The following ARHGEF33 variants were observed in gnomAD, a reference collection of about 807,000 sequenced individuals.
ARHGEF33 encodes DH and coiled-coil domain-containing protein ENSP00000381780.
A neutral mutation model predicts 101.9 loss-of-function variants in ARHGEF33; 72 were observed. The ratio of observed to expected loss-of-function variants is 0.71; its 90% CI spans 0.58 to 0.86. The LOEUF (loss-of-function observed/expected upper bound fraction) is 0.86. Ranked by LOEUF, ARHGEF33 falls within the 40% of genes least tolerant of loss-of-function variation. ARHGEF33 has a pLI of 0.00. For synonymous variants in ARHGEF33, 499 were observed against 442.5 expected (o/e 1.13, Z -1.60); for missense variants, 1,169 against 1,111.3 (o/e 1.05, Z -0.74).
chr2:38,965,670 T>G (rs1030115694), intron 16 of ARHGEF33, among the ~76,000 whole-genome samples: 4 of 152,238 alleles, frequency 2.6e-5, no homozygotes, highest in African/African-American at 9.6e-5. Flanking sequence ...TAATAATTTA[T>G]TCACTCGTGG....
At chr2:38,900,732 G>A (rs1394652467) in intron 2 of ARHGEF33, among the ~76,000 whole-genome samples, 2 of 152,164 alleles carry the variant, frequency 1.3e-5, no homozygotes, top group Non-Finnish European at 2.9e-5. Flanking sequence ...GAGTTAGTGA[G>A]ATGGGGTTTC....
At chr2:38,937,179 A>G in intron 8 of ARHGEF33, 156 bp from the exon 9 acceptor site, 2 of 577,360 alleles carry the variant, frequency 3.5e-6, no homozygotes, top group Non-Finnish European at 3.1e-6. Context: ...TATTTTTAGT[A>G]GAGACAGGGT....
chr2:38,957,954 T>A lies in ARHGEF33; in HGVS notation c.1371-80T>A. 14 of 1,476,180 alleles carry A rather than the reference T, an allele frequency of 9.5e-6. No individual in the cohort carries two copies. In the South Asian group the frequency reaches 1.5e-4, roughly 16 times the overall value. The allele number at this position is 1,476,180 out of a possible 1,614,324, so 91.4% of individuals were successfully genotyped here. ...GCAAACTTTATCTGAGACATCTCTC[T>A]ATCTTTTTTGGCATAATATGTGTTC... On this transcript the variant is annotated intron_variant, in intron 14 of 17. Transcript: ENST00000409978.
chr2:38,957,165 G>A, intron 14 of ARHGEF33, 118 bp downstream of exon 14: 1 of 1,219,948 alleles, frequency 8.2e-7, no homozygotes, highest in Middle Eastern at 2.1e-4. Context: ...TAGAAGGAAA[G>A]AGAGAAGGGG....
At chr2:38,956,272 A>G (rs112979219) in intron 13 of ARHGEF33, among the ~76,000 whole-genome samples, 1,795 of 152,322 alleles carry the variant, frequency 0.012, 11 homozygotes, top group Middle Eastern at 0.048. Context: ...GACCTGATGA[A>G]GATCATTTAC....
intron 2 of ARHGEF33, among the ~76,000 whole-genome samples, chr2:38,901,482 C>T (rs1666236442): frequency 6.6e-6 from 1 of 152,182 alleles, no homozygotes; most frequent in South Asian, 2.1e-4. Context: ...GTAGGGCTCA[C>T]TTCTGAGCTC....
intron 9 of ARHGEF33, among the ~76,000 whole-genome samples, chr2:38,940,824 T>C (rs1406357491): frequency 6.6e-6 from 1 of 152,170 alleles, no homozygotes; most frequent in Admixed American, 6.5e-5. Context: ...ATTCAGAGAC[T>C]GGACTTTTTT....
chr2:38,917,251 C>T (rs1216535917), intron 2 of ARHGEF33, among the ~76,000 whole-genome samples: 6 of 151,760 alleles, frequency 4.0e-5, no homozygotes. Flanking sequence ...GCCACCATGC[C>T]TGGCTAATTT....
intron 3 of ARHGEF33, 143 bp downstream of exon 3, chr2:38,919,615 A>G (rs1263845212): frequency 2.2e-6 from 2 of 913,106 alleles, no homozygotes; most frequent in Non-Finnish European, 3.4e-6. Flanking sequence ...TGAAGAATAT[A>G]GACTGGGTGC....
intron 1 of ARHGEF33, among the ~76,000 whole-genome samples, chr2:38,891,419 C>T (rs1032025655): frequency 6.6e-6 from 1 of 151,350 alleles, no homozygotes; most frequent in African/African-American, 2.4e-5. Flanking sequence ...CTTTCTTTTT[C>T]TTTAATGACA....
intron 9 of ARHGEF33, among the ~76,000 whole-genome samples, chr2:38,941,247 A>G (rs1319394976): frequency 6.6e-6 from 1 of 152,172 alleles, no homozygotes; most frequent in Non-Finnish European, 1.5e-5. Flanking sequence ...GGCTATTATC[A>G]TCCTTGCTTT....
At chr2:38,951,222 G>T (rs1324087009) in intron 11 of ARHGEF33, 101 bp downstream of exon 11, 17 of 1,126,772 alleles carry the variant, frequency 1.5e-5, no homozygotes, top group Non-Finnish European at 1.9e-5. Flanking sequence ...GAATTTCACA[G>T]CTAGAACCAC....
intron 2 of ARHGEF33, among the ~76,000 whole-genome samples, chr2:38,910,536 C>T (rs1666486817): frequency 6.6e-6 from 1 of 152,194 alleles, no homozygotes; most frequent in African/African-American, 2.4e-5. Flanking sequence ...TGCCACTGCA[C>T]TCCAACCTGG....
chr2:38,974,007 A>C lies in ARHGEF33; in HGVS notation c.*164A>C, dbSNP rs1260057021. The C allele has an allele frequency of 5.2e-6, 2 of 385,174 alleles. No homozygotes were observed. 23.9% of individuals were successfully genotyped at this position (385,174 alleles called of 1,614,324 possible). A position where few individuals can be genotyped will look rare whatever the true frequency, so the allele number is the denominator to read the frequency against. ...AATACTTACATATGAAACTAAACAT[A>C]CAAGACATTGAAGAGATGAAGATTA... On this transcript the variant is annotated 3_prime_UTR_variant, in exon 18 of 18. Transcript: ENST00000409978.
At chr2:38,970,451 C>G (rs1307504605) in intron 17 of ARHGEF33, among the ~76,000 whole-genome samples, 1 of 152,168 alleles carries the variant, frequency 6.6e-6, no homozygotes, top group Non-Finnish European at 1.5e-5. Flanking sequence ...AGTCCCTCTC[C>G]CACTCTTACC....
At chr2:38,909,237 C>T (rs187423479) in intron 2 of ARHGEF33, among the ~76,000 whole-genome samples, 11 of 152,210 alleles carry the variant, frequency 7.2e-5, no homozygotes, top group African/African-American at 2.4e-4. Context: ...GACTTGAGCA[C>T]CAAGGACCAT....
intron 1 of ARHGEF33, among the ~76,000 whole-genome samples, chr2:38,891,814 A>T (rs528256655): frequency 6.6e-6 from 1 of 151,586 alleles, no homozygotes; most frequent in Non-Finnish European, 1.5e-5. Context: ...GGACTTGACT[A>T]ATCACTTGTG....
chr2:38,892,099 C>T (rs985018155), intron 1 of ARHGEF33, among the ~76,000 whole-genome samples: 5 of 152,058 alleles, frequency 3.3e-5, no homozygotes, highest in East Asian at 3.9e-4. Context: ...GGCAGCTAAT[C>T]GGATTCTCAA....
intron 4 of ARHGEF33, among the ~76,000 whole-genome samples, chr2:38,924,108 A>C (rs1377365397): frequency 3.3e-5 from 5 of 152,218 alleles, no homozygotes; most frequent in African/African-American, 1.2e-4. Flanking sequence ...GGAAACTTCT[A>C]AAACCCTAGT....
Sources: allele counts gnomAD v4.1 joint callset (sites outside exome capture counted in the v4.1 genomes callset), GRCh38; gene constraint gnomAD v4.1.1; transcripts MANE v1.5; gene names NCBI Gene and HGNC (gene_info 2026-07-23, HGNC 2026-07-21).